Variants in HDAC9 observed in about 807,000 individuals in gnomAD.
The protein encoded by HDAC9 is MEF-2 interacting transcription repressor (MITR) protein.
In HDAC9, 41 loss-of-function variants were observed where a neutral mutation model predicts 139.4. The ratio of observed to expected loss-of-function variants is 0.29; its 90% CI spans 0.23 to 0.38. The LOEUF (loss-of-function observed/expected upper bound fraction) is 0.38. Among genes scored for constraint, HDAC9 ranks in the 10% least tolerant of loss-of-function variants. The probability of loss-of-function intolerance (pLI) is 1.00; values close to 1 mark genes in which losing one functional copy is unlikely to be tolerated. For synonymous variants in HDAC9, 517 were observed against 476.2 expected (o/e 1.09, Z -1.12); for missense variants, 1,147 against 1,297.0 (o/e 0.88, Z 1.78).
At chr7:18,288,038 A>G (rs1188109331), upstream of HDAC9, among the ~76,000 whole-genome samples, 1 of 152,238 alleles carries the variant, frequency 6.6e-6, no homozygotes, top group African/African-American at 2.4e-5. Flanking sequence ...TCCTAAGACT[A>G]CAGCTACTGT....
At chr7:18,107,723 CT>C (rs780744616) in intron 1 of HDAC9, among the ~76,000 whole-genome samples, 19 of 152,276 alleles carry the variant, frequency 1.2e-4, no homozygotes, top group Non-Finnish European at 2.2e-4. Flanking sequence ...TTTAAAACAG[CT>C]TTTCTTTTTC....
chr7:18,385,111 A>C (rs1160116467), intron 1 of HDAC9, among the ~76,000 whole-genome samples: 9 of 152,234 alleles, frequency 5.9e-5, no homozygotes, highest in Non-Finnish European at 1.2e-4. Context: ...GTTAACTTTG[A>C]AAAAGAAAAG....
chr7:18,298,711 C>T, intron 1 of HDAC9, among the ~76,000 whole-genome samples: 1 of 152,102 alleles, frequency 6.6e-6, no homozygotes, highest in East Asian at 1.9e-4. Context: ...GTTCTTAAGT[C>T]AATTTTTATG....
chr7:18,488,562 C>A (rs1020873314), intron 1 of HDAC9, among the ~76,000 whole-genome samples: 1 of 151,738 alleles, frequency 6.6e-6, no homozygotes, highest in African/African-American at 2.4e-5. Context: ...GAATTTTGAG[C>A]GCAAATGGTG....
intron 2 of HDAC9, among the ~76,000 whole-genome samples, chr7:18,282,865 A>C (rs1728979460): frequency 1.3e-5 from 2 of 151,932 alleles, no homozygotes; most frequent in South Asian, 4.2e-4. Flanking sequence ...TAAAATTAGG[A>C]CTGAAAGACA....
intron 1 of HDAC9, among the ~76,000 whole-genome samples, chr7:18,369,747 C>G (rs985809325): frequency 6.6e-6 from 1 of 151,990 alleles, no homozygotes; most frequent in Non-Finnish European, 1.5e-5. Context: ...AAAAGTGTTT[C>G]AAGGTCCATC....
chr7:18,713,873 G>A (rs1419488185), intron 12 of HDAC9, among the ~76,000 whole-genome samples: 1 of 151,356 alleles, frequency 6.6e-6, no homozygotes, highest in Non-Finnish European at 1.5e-5. Context: ...ATAACACCTT[G>A]TTATAACGTA....
chr7:18,138,309 A>G lies in HDAC9; in HGVS notation c.-96-23920A>G, dbSNP rs1026592609. 2.6e-5 allele frequency among the ~76,000 whole-genome samples: 4 copies of G among 152,014 alleles called. No homozygotes were observed. The South Asian group carries it at 6.2e-4, about 24-fold the overall frequency. ...CTAAGGAGACCATGAGCCCTGATCT[A>G]TTAATACCTGTGTGCCTCCCTCTCC... is the stretch of plus-strand genomic sequence containing the variant. On this transcript the variant is annotated intron_variant, in intron 1 of 12. Coordinates refer to the HDAC9 transcript ENST00000417496.
intron 6 of HDAC9, among the ~76,000 whole-genome samples, chr7:18,622,520 C>T (rs563727733): frequency 6.6e-4 from 100 of 152,016 alleles, no homozygotes; most frequent in Non-Finnish European, 1.2e-3. Context: ...GATGGGTTTT[C>T]ACCATGTTGG....
intron 24 of HDAC9, among the ~76,000 whole-genome samples, chr7:18,963,883 C>T (rs962190044): frequency 6.6e-6 from 1 of 152,144 alleles, no homozygotes; most frequent in Non-Finnish European, 1.5e-5. Flanking sequence ...CATTTCTCCT[C>T]ATTCATTGCC....
intron 24 of HDAC9, among the ~76,000 whole-genome samples, chr7:18,954,661 C>G (rs141456694): frequency 1.3e-5 from 2 of 152,180 alleles, no homozygotes; most frequent in South Asian, 4.1e-4. Flanking sequence ...GAAAATCCAA[C>G]TTAACAAAGC....
At chr7:18,353,196 A>C (rs1478962791) in intron 1 of HDAC9, among the ~76,000 whole-genome samples, 4 of 152,236 alleles carry the variant, frequency 2.6e-5, no homozygotes, top group African/African-American at 9.6e-5. Context: ...CTATCTAGCT[A>C]TTGTACAAAG....
At chr7:18,365,160 G>A (rs111910244) in intron 1 of HDAC9, among the ~76,000 whole-genome samples, 101 of 152,150 alleles carry the variant, frequency 6.6e-4, no homozygotes, top group African/African-American at 2.0e-3. Flanking sequence ...TGTCTTCAGG[G>A]CTGTTTGCTG....
intron 6 of HDAC9, among the ~76,000 whole-genome samples, chr7:18,621,123 T>TG (rs1840094412): frequency 6.6e-6 from 1 of 152,016 alleles, no homozygotes; most frequent in African/African-American, 2.4e-5. Flanking sequence ...TATAATTGCT[T>TG]GGGGAAAAAC....
At chr7:18,689,184 G>T (rs1257651806) in intron 12 of HDAC9, among the ~76,000 whole-genome samples, 1 of 151,634 alleles carries the variant, frequency 6.6e-6, no homozygotes, top group Admixed American at 6.6e-5. Context: ...AGAAATCCTG[G>T]ATTTGGATTT....
At chr7:18,727,876 C>A in intron 13 of HDAC9, 119 bp downstream of exon 13, 1 of 756,124 alleles carries the variant, frequency 1.3e-6, no homozygotes, top group East Asian at 3.4e-5. Flanking sequence ...TAACCCAGTG[C>A]AACCCAAATT....
At chr7:18,430,225 T>C (rs1790514453) in intron 1 of HDAC9, among the ~76,000 whole-genome samples, 4 of 152,104 alleles carry the variant, frequency 2.6e-5, no homozygotes, top group Non-Finnish European at 5.9e-5. Flanking sequence ...CCTACAGTAA[T>C]TGAATGATTT....
At chr7:18,458,581 A>G (rs900872824) in intron 1 of HDAC9, among the ~76,000 whole-genome samples, 1 of 152,226 alleles carries the variant, frequency 6.6e-6, no homozygotes, top group Non-Finnish European at 1.5e-5. Context: ...TTCATAGCCA[A>G]TGCTACTGTG....
At chr7:18,751,085 A>T (rs1028891395) in intron 14 of HDAC9, among the ~76,000 whole-genome samples, 1 of 152,196 alleles carries the variant, frequency 6.6e-6, no homozygotes, top group Admixed American at 6.5e-5. Context: ...TGGTCTAAAA[A>T]TTAGAAAGTC....
Sources: allele counts gnomAD v4.1 joint callset (sites outside exome capture counted in the v4.1 genomes callset), GRCh38; gene constraint gnomAD v4.1.1; transcripts MANE v1.5; gene names NCBI Gene and HGNC (gene_info 2026-07-23, HGNC 2026-07-21).